Variants in DMD observed in about 807,000 individuals in gnomAD.
The protein encoded by DMD is dystrophin, also known as mutant dystrophin.
A neutral mutation model predicts 330.1 loss-of-function variants in DMD; 63 were observed. That is an observed-to-expected ratio of 0.19 (90% confidence interval 0.16 to 0.24). The LOEUF (loss-of-function observed/expected upper bound fraction) is 0.24. Ranked by LOEUF, DMD falls within the 10% of genes least tolerant of loss-of-function variation. The pLI is 1.00. For missense variants in DMD, 3,344 were observed against 2,684.1 expected (o/e 1.25, Z -5.43); for synonymous variants, 1,223 against 959.8 (o/e 1.27, Z -5.07).
intron 2 of DMD, among the ~76,000 whole-genome samples, chrX:32,927,363 C>CTTTTTTT (rs536073565): frequency 4.7e-4 from 27 of 56,951 alleles, no homozygotes; most frequent in Admixed American, 9.7e-4. Flanking sequence ...TTCTTTCTTT[C>CTTTTTTT]TTTTTTTTTT....
In DMD at chrX:32,013,375, G is replaced by A. The variant is rs762734306; in HGVS notation, c.6439-44861C>T. On this transcript the variant is annotated intron_variant, in intron 44 of 78. Transcript: ENST00000357033. ...GCTGGGATTACAGGCGTGAGCCACC[G>A]TGCCCAGCCAATTCATCTTTCTTTT... 1.0e-3 allele frequency among the ~76,000 whole-genome samples: 115 copies of A among 111,029 alleles called. 2 individuals are homozygous for A. The highest frequency in any genetic ancestry group is 5.7e-4 in the East Asian group (2 of 3,513).
chrX:32,244,185 C>A lies in DMD; in HGVS notation c.6291-27122G>T, dbSNP rs777097300. On this transcript the variant is annotated intron_variant, in intron 43 of 78. Coordinates refer to ENST00000357033, the MANE Select transcript of DMD (RefSeq NM_004006.3). Reference sequence around the variant, plus strand: ...GTGATCTCATTGTTCAATTCCCACCCCACCTATGAGTGAGAATATGCAGTG... The same window carrying A: ...GTGATCTCATTGTTCAATTCCCACCACACCTATGAGTGAGAATATGCAGTG... 4.1e-4 allele frequency among the ~76,000 whole-genome samples: 40 copies of A among 98,732 alleles called. 1 individual carries two copies. In the South Asian group the frequency reaches 0.021, roughly 52 times the overall value. The allele number at this position is 98,732 out of a possible 115,157, so 85.7% of individuals were successfully genotyped here.
At chrX:31,758,537 TC>T (rs1569357330) in intron 51 of DMD, among the ~76,000 whole-genome samples, 1 of 111,427 alleles carries the variant, frequency 9.0e-6, no homozygotes, top group Non-Finnish European at 1.9e-5. Flanking sequence ...CATGTTTCTC[TC>T]TCTCTCTCTC....
intron 43 of DMD, among the ~76,000 whole-genome samples, chrX:32,239,102 C>A (rs1002644855): frequency 1.8e-5 from 2 of 111,615 alleles, no homozygotes; most frequent in Admixed American, 1.9e-4. Context: ...ATTCCTCTTG[C>A]GTCACTCTTC....
Position 32,545,090 on chromosome X carries a change from C to G in DMD, c.2168+69G>C, listed in dbSNP as rs759720096. 2.1e-4 allele frequency: 220 copies of G among 1,066,082 alleles called. 2 individuals carry two copies. The African/African-American group carries it at 3.7e-3, about 18-fold the overall frequency. The allele number at this position is 1,066,082 out of a possible 1,213,427, so 87.9% of individuals were successfully genotyped here. A position where few individuals can be genotyped will look rare whatever the true frequency, so the allele number is the denominator to read the frequency against. ...GGAAATATTGCTGAAGTGAAAACAC[C>G]ACCAACAAAACTGCTGTAAATGAGT... is the stretch of plus-strand genomic sequence containing the variant. On this transcript the variant is annotated intron_variant, in intron 17 of 78. Transcript: ENST00000357033.
chrX:31,932,768 G>GTACATACATACA (rs201834881), intron 45 of DMD, among the ~76,000 whole-genome samples: 3 of 111,295 alleles, frequency 2.7e-5, no homozygotes, highest in African/African-American at 9.8e-5. Flanking sequence ...ACATACGTAC[G>GTACATACATACA]TACATACATA....
intron 13 of DMD, among the ~76,000 whole-genome samples, chrX:32,595,300 C>A (rs6631611): frequency 9.0e-6 from 1 of 111,476 alleles, no homozygotes; most frequent in Non-Finnish European, 1.9e-5. Flanking sequence ...TCTGTGAGTT[C>A]TACGGACTGT....
chrX:32,024,579 CAT>C (rs747364320), intron 44 of DMD, among the ~76,000 whole-genome samples: 1 of 108,884 alleles, frequency 9.2e-6, no homozygotes, highest in South Asian at 4.0e-4. Flanking sequence ...GGCAGCATAA[CAT>C]ATGGTCAGAA....
At chrX:32,869,499 CCAT>C in intron 2 of DMD, among the ~76,000 whole-genome samples, 1 of 109,645 alleles carries the variant, frequency 9.1e-6, no homozygotes, top group African/African-American at 3.3e-5. Context: ...AAGTTAAGAG[CCAT>C]GATAAAACAT....
rs1389576341 is a variant in DMD, at chrX:32,675,263, G to A, written c.960+22607C>T. Among the ~76,000 whole-genome samples the A allele has an allele frequency of 4.5e-5, 5 of 110,910 alleles. No individual in the cohort carries two copies. In the Admixed American group the frequency reaches 4.8e-4, roughly 11 times the overall value. ...GAATTTAATGCACCATTTTTTCACA[G>A]GCTTGCTATAAATCAGAATCTTTAA... On this transcript the variant is annotated intron_variant, in intron 9 of 78. Transcript: ENST00000357033.
At chrX:32,180,307 T>C (rs1235333011) in intron 44 of DMD, among the ~76,000 whole-genome samples, 1 of 111,973 alleles carries the variant, frequency 8.9e-6, no homozygotes, top group African/African-American at 3.2e-5. Flanking sequence ...TCTAGGTTTT[T>C]GATAGGAGTG....
intron 30 of DMD, among the ~76,000 whole-genome samples, chrX:32,401,194 G>A (rs2098083820): frequency 1.1e-5 from 1 of 87,445 alleles, no homozygotes; most frequent in Admixed American, 1.3e-4. Flanking sequence ...GGTGGGGGGA[G>A]GGGGGAGGGA....
At chrX:33,151,400 T>A (rs2048279682) in intron 1 of DMD, among the ~76,000 whole-genome samples, 1 of 112,837 alleles carries the variant, frequency 8.9e-6, no homozygotes, top group Non-Finnish European at 1.9e-5. Flanking sequence ...TTTTCTTCAA[T>A]TTAACTAAAG....
intron 78 of DMD, 119 bp from the exon 79 acceptor site, chrX:31,122,049 C>T: frequency 1.7e-6 from 1 of 576,180 alleles, no homozygotes; most frequent in Non-Finnish European, 3.0e-6. Flanking sequence ...AACACAGAAG[C>T]TGCATCGAGG....
In DMD at chrX:32,641,732, T is replaced by G. The variant is rs762416259; in HGVS notation, c.1331+2400A>C. ...GACTAGACAAATGTTAATTATCATT[T>G]CTCTAATCGCTAAACCAAGGCTTAG... On this transcript the variant is annotated intron_variant, in intron 11 of 78. Coordinates refer to ENST00000357033, the MANE Select transcript of DMD (RefSeq NM_004006.3). Among the ~76,000 whole-genome samples the G allele has an allele frequency of 5.4e-5, 6 of 111,051 alleles. No individual in the cohort carries two copies. In the East Asian group the frequency reaches 1.1e-3, roughly 21 times the overall value.
At chrX:32,695,757 T>A (rs762649538) in intron 9 of DMD, among the ~76,000 whole-genome samples, 1 of 111,981 alleles carries the variant, frequency 8.9e-6, no homozygotes, top group African/African-American at 3.2e-5. Context: ...GCCAGGTTAT[T>A]AAATTATTAT....
At position 32,001,270 on chromosome X, in the gene DMD, A is replaced by G. The variant is rs5927919; in HGVS notation, c.6439-32756T>C. Among the ~76,000 whole-genome samples the G allele has an allele frequency of 6.3e-5, 7 of 111,443 alleles. No individual in the cohort carries two copies. In the East Asian group the frequency reaches 1.7e-3, roughly 27 times the overall value. ...CGATTTTTTTGTGCATGTAAATTAT[A>G]CCTCAATAAAACAAAAAGGAATTGG... On this transcript the variant is annotated intron_variant, in intron 44 of 78. Transcript: ENST00000357033.
intron 1 of DMD, among the ~76,000 whole-genome samples, chrX:33,131,293 A>C (rs1569556023): frequency 9.0e-6 from 1 of 110,792 alleles, no homozygotes; most frequent in Non-Finnish European, 1.9e-5. Context: ...CCCCTGAAGA[A>C]CTTCTTTAAG....
chrX:32,720,775 T>C (rs1319474269), intron 7 of DMD, among the ~76,000 whole-genome samples: 8 of 111,549 alleles, frequency 7.2e-5, no homozygotes, highest in African/African-American at 2.6e-4. Flanking sequence ...CATTATTATC[T>C]GCTTTTATAT....
Sources: allele counts gnomAD v4.1 joint callset (sites outside exome capture counted in the v4.1 genomes callset), GRCh38; gene constraint gnomAD v4.1.1; transcripts MANE v1.5; gene names NCBI Gene and HGNC (gene_info 2026-07-23, HGNC 2026-07-21).